The following ZFYVE9 variants were observed in gnomAD, a reference collection of about 807,000 sequenced individuals.
ZFYVE9 encodes the protein zinc finger FYVE domain-containing protein 9.
A neutral mutation model predicts 126.7 loss-of-function variants in ZFYVE9; 43 were observed. That is an observed-to-expected ratio of 0.34 (90% CI 0.27 to 0.44). The LOEUF (loss-of-function observed/expected upper bound fraction) is 0.44, where lower values mean the gene tolerates loss of function less well. ZFYVE9 is among the 20% of genes least tolerant of loss of function. ZFYVE9 has a pLI of 1.00. For missense variants in ZFYVE9, 1,476 were observed against 1,697.0 expected (o/e 0.87, Z 2.29); for synonymous variants, 521 against 597.4 (o/e 0.87, Z 1.87).
intron 1 of ZFYVE9, among the ~76,000 whole-genome samples, chr1:52,148,947 ATTTTTTTTTTTTTTTT>A (rs56300233): frequency 9.9e-4 from 34 of 34,254 alleles, no homozygotes; most frequent in South Asian, 8.5e-3. Context: ...CCTTAACATG[ATTTTTTTTTTTTTTTT>A]TTTTTTTTTT....
At chr1:52,143,339 A>G (rs999206461) in intron 1 of ZFYVE9, among the ~76,000 whole-genome samples, 1 of 152,212 alleles carries the variant, frequency 6.6e-6, no homozygotes, top group African/African-American at 2.4e-5. Context: ...TGAAAATGCT[A>G]CTGATTACAG....
chr1:52,197,388 G>GTA (rs1205414618), intron 1 of ZFYVE9, among the ~76,000 whole-genome samples: 1 of 152,146 alleles, frequency 6.6e-6, no homozygotes, highest in Non-Finnish European at 1.5e-5. Context: ...GCACTTAGAT[G>GTA]TATAGCTTTA....
intron 10 of ZFYVE9, among the ~76,000 whole-genome samples, chr1:52,284,458 C>G (rs1181566972): frequency 1.3e-5 from 2 of 150,840 alleles, no homozygotes; most frequent in Admixed American, 1.3e-4. Context: ...CTCGCTCTGT[C>G]ACCCAGCCTG....
rs116137822 is a variant in ZFYVE9, at chr1:52,219,034, G to A, written c.-37+2560G>A. 9.8e-3 allele frequency among the ~76,000 whole-genome samples: 1,492 copies of A among 152,128 alleles called. 22 individuals carry two copies. Among genetic ancestry groups the A allele is most frequent in the African/African-American group, 0.033 (1,388 of 41,486 alleles). ...TGGAGGTAGGGTTTTAGGGCGGTGC[G>A]ACCCTCTGAGGAGGTCCAGCCCTGA... On this transcript the variant is annotated intron_variant, in intron 2 of 18. Coordinates refer to ENST00000287727, the MANE Select transcript of ZFYVE9 (RefSeq NM_004799.4).
At chr1:52,286,271 T>A (rs1398414731) in intron 10 of ZFYVE9, among the ~76,000 whole-genome samples, 1 of 152,238 alleles carries the variant, frequency 6.6e-6, no homozygotes, top group Non-Finnish European at 1.5e-5. Flanking sequence ...TTGAATACTG[T>A]ATTACTAGCT....
chr1:52,225,472 AC>A (rs1265505170), intron 2 of ZFYVE9, among the ~76,000 whole-genome samples: 1 of 152,236 alleles, frequency 6.6e-6, no homozygotes. Flanking sequence ...TATGCCTGTT[AC>A]AAATACAAGA....
intron 1 of ZFYVE9, among the ~76,000 whole-genome samples, chr1:52,186,907 C>G (rs1239826204): frequency 6.6e-6 from 1 of 152,084 alleles, no homozygotes; most frequent in African/African-American, 2.4e-5. Context: ...AAGCAACTTA[C>G]AGATTCAATG....
intron 13 of ZFYVE9, among the ~76,000 whole-genome samples, chr1:52,331,706 C>G (rs1373216624): frequency 6.8e-6 from 1 of 147,536 alleles, no homozygotes; most frequent in African/African-American, 2.5e-5. Context: ...GAGCCAAGAT[C>G]GAGCCACTGC....
chr1:52,330,652 C>T (rs1199784117), intron 13 of ZFYVE9, among the ~76,000 whole-genome samples: 4 of 152,134 alleles, frequency 2.6e-5, no homozygotes, highest in Non-Finnish European at 5.9e-5. Flanking sequence ...CTCCAGTGGT[C>T]ACTTTCATCA....
intron 1 of ZFYVE9, chr1:52,180,145 A>G: frequency 8.6e-7 from 1 of 1,165,576 alleles, no homozygotes; most frequent in Non-Finnish European, 1.3e-6. Flanking sequence ...GATTATGTTC[A>G]AGAAGTTACC....
intron 2 of ZFYVE9, among the ~76,000 whole-genome samples, chr1:52,224,678 T>A (rs1645153594): frequency 6.6e-6 from 1 of 152,192 alleles, no homozygotes; most frequent in African/African-American, 2.4e-5. Flanking sequence ...CTGTCTTTTC[T>A]TGTGTTTTGT....
In ZFYVE9 at chr1:52,346,306, T is replaced by A; in HGVS notation, c.*85T>A. 7.9e-7 allele frequency: 1 copy of A among 1,268,730 alleles called. No homozygotes were observed. The highest frequency in any genetic ancestry group is 1.1e-6 in the Non-Finnish European group (1 of 943,482). 78.6% of individuals were successfully genotyped at this position (1,268,730 alleles called of 1,614,324 possible). A position where few individuals can be genotyped will look rare whatever the true frequency, so the allele number is the denominator to read the frequency against. Reference sequence around the variant, plus strand: ...CATTTGCACTTTAAAACTGGAAGATTAAGCTTTTGTTAACACTATTAATGG... The same window carrying A: ...CATTTGCACTTTAAAACTGGAAGATAAAGCTTTTGTTAACACTATTAATGG... On this transcript the variant is annotated 3_prime_UTR_variant, in exon 19 of 19. Coordinates refer to ENST00000287727, the MANE Select transcript of ZFYVE9 (RefSeq NM_004799.4).
rs540351391 is a variant in ZFYVE9, at chr1:52,160,159, T to C, written c.-143+17756T>C. ...ACATAACACTATTCTCTGGAGTAGC[T>C]GTGAAGCTCTACGAGGCTGTGAGGT... On this transcript the variant is annotated intron_variant, in intron 1 of 18. Coordinates refer to ENST00000287727, the MANE Select transcript of ZFYVE9 (RefSeq NM_004799.4). The C allele has an allele frequency of 2.2e-3, 1,381 of 631,750 alleles. 1 individual carries two copies. Among genetic ancestry groups the C allele is most frequent in the Non-Finnish European group, 3.4e-3 (1,167 of 347,682 alleles). The allele number at this position is 631,750 out of a possible 1,614,324, so 39.1% of individuals were successfully genotyped here. A position where few individuals can be genotyped will look rare whatever the true frequency, so the allele number is the denominator to read the frequency against.
At chr1:52,152,121 C>T (rs1484807077) in intron 1 of ZFYVE9, among the ~76,000 whole-genome samples, 1 of 152,126 alleles carries the variant, frequency 6.6e-6, no homozygotes, top group Non-Finnish European at 1.5e-5. Context: ...TCCTGATTAG[C>T]TGGGATTACA....
chr1:52,329,770 T>TG (rs1646323166), intron 13 of ZFYVE9, among the ~76,000 whole-genome samples: 2 of 152,108 alleles, frequency 1.3e-5, no homozygotes, highest in South Asian at 4.1e-4. Flanking sequence ...CCGGGCATGG[T>TG]GGCCAGCACC....
At chr1:52,247,854 G>T (rs1172764167) in intron 4 of ZFYVE9, among the ~76,000 whole-genome samples, 1 of 152,000 alleles carries the variant, frequency 6.6e-6, no homozygotes, top group Non-Finnish European at 1.5e-5. Context: ...AATGCCTGGT[G>T]ACTGCTATTC....
chr1:52,148,682 C>T (rs971649267), intron 1 of ZFYVE9, among the ~76,000 whole-genome samples: 2 of 150,304 alleles, frequency 1.3e-5, no homozygotes, highest in African/African-American at 4.9e-5. Context: ...TGCTCTGTTG[C>T]CCAGGCTGGA....
chr1:52,142,536 G>C lies in ZFYVE9; in HGVS notation c.-143+133G>C, dbSNP rs948328659. On this transcript the variant is annotated intron_variant, in intron 1 of 18. Coordinates refer to ENST00000287727, the MANE Select transcript of ZFYVE9 (RefSeq NM_004799.4). The surrounding 1 kb of genome is among the most constrained non-coding windows in gnomAD (Gnocchi z 4.5). The stretch of plus-strand genomic sequence containing the variant: ...GCCTCCCCCACCCTGCGGTCCTGGG[G>C]CCTCAGCCCTTTCTCCCCGCGTCCC... 3 of 152,174 alleles carry C rather than the reference G, an allele frequency of 2.0e-5. No homozygotes were observed. The highest frequency in any genetic ancestry group is 4.8e-5 in the African/African-American group (2 of 41,452). The allele number at this position is 152,174 out of a possible 1,614,324, so 9.4% of individuals were successfully genotyped here.
chr1:52,341,207 C>T lies in ZFYVE9; in HGVS notation c.3939+976C>T, dbSNP rs190622797. Among the ~76,000 whole-genome samples the T allele has an allele frequency of 2.7e-3, 404 of 152,306 alleles. 2 individuals are homozygous for T. The highest frequency in any genetic ancestry group is 6.2e-3 in the Admixed American group (95 of 15,302). On this transcript the variant is annotated intron_variant, in intron 17 of 18. Transcript: ENST00000287727. ...TGCACGCCAGCCTGGGCAACAAGAG[C>T]GAAACTCCGTCTCCAAAAACAAACA...
Sources: gnomAD v4.1 joint callset for allele counts (sites outside exome capture counted in the v4.1 genomes callset) on GRCh38, gnomAD v4.1.1 for gene constraint, Gnocchi (gnomAD v3.1) non-coding constraint, MANE v1.5 for transcripts, NCBI Gene and HGNC (gene_info 2026-07-23, HGNC 2026-07-21) for gene names.